The following WDR72 variants were observed in gnomAD, a reference collection of about 807,000 sequenced individuals.
WDR72 encodes WD repeat domain 72, also known as WD repeat-containing protein 72.
A neutral mutation model predicts 124.2 loss-of-function variants in WDR72; 120 were observed. The ratio of observed to expected loss-of-function variants is 0.97; its 90% confidence interval spans 0.83 to 1.12. The LOEUF (loss-of-function observed/expected upper bound fraction) is 1.12, where lower values mean the gene tolerates loss of function less well. Ranked by LOEUF, WDR72 falls within the 50% of genes most tolerant of loss-of-function variation. The pLI is 0.00. For missense variants in WDR72, 1,387 were observed against 1,278.8 expected (o/e 1.08, Z -1.29); for synonymous variants, 452 against 441.7 (o/e 1.02, Z -0.29).
At chr15:53,529,962 C>T (rs1229956903) in intron 18 of WDR72, among the ~76,000 whole-genome samples, 1 of 151,872 alleles carries the variant, frequency 6.6e-6, no homozygotes, top group African/African-American at 2.4e-5. Flanking sequence ...GCTACATTTC[C>T]TCGCTCCCAA....
intron 10 of WDR72, 135 bp from the exon 11 acceptor site, chr15:53,705,368 C>T (rs1163515249): frequency 3.8e-6 from 3 of 788,732 alleles, no homozygotes; most frequent in Non-Finnish European, 2.1e-6. Context: ...TGCCAGCATT[C>T]ATCTCTTGGG....
intron 18 of WDR72, among the ~76,000 whole-genome samples, chr15:53,589,100 A>C (rs1453416130): frequency 6.6e-6 from 1 of 151,968 alleles, no homozygotes; most frequent in Admixed American, 6.6e-5. Flanking sequence ...AGGTCTCTAA[A>C]AATATCAAAC....
intron 14 of WDR72, among the ~76,000 whole-genome samples, chr15:53,622,144 A>T (rs1475821834): frequency 6.6e-6 from 1 of 151,798 alleles, no homozygotes; most frequent in African/African-American, 2.4e-5. Flanking sequence ...GCAGGGCGTT[A>T]GAAAAATAGG....
At chr15:53,550,899 G>A (rs975178076) in intron 18 of WDR72, among the ~76,000 whole-genome samples, 1 of 152,086 alleles carries the variant, frequency 6.6e-6, no homozygotes, top group Admixed American at 6.6e-5. Flanking sequence ...CACACAATCT[G>A]TACATAAACA....
At chr15:53,618,509 C>T (rs756460545) in intron 14 of WDR72, among the ~76,000 whole-genome samples, 10 of 151,846 alleles carry the variant, frequency 6.6e-5, no homozygotes, top group Non-Finnish European at 1.5e-4. Context: ...CAACTTTTGA[C>T]TTTGGTTATC....
intron 11 of WDR72, 110 bp downstream of exon 11, chr15:53,704,878 T>A: frequency 8.1e-7 from 1 of 1,236,712 alleles, no homozygotes; most frequent in Non-Finnish European, 1.1e-6. Flanking sequence ...TACATATTTA[T>A]CAGCAAATGC....
intron 13 of WDR72, among the ~76,000 whole-genome samples, chr15:53,670,618 C>T (rs2140459966): frequency 6.6e-6 from 1 of 152,256 alleles, no homozygotes; most frequent in African/African-American, 2.4e-5. Flanking sequence ...CTTGTTTTAC[C>T]TTTGATAGCT....
At chr15:53,667,176 A>T (rs909721720) in intron 13 of WDR72, among the ~76,000 whole-genome samples, 8 of 152,042 alleles carry the variant, frequency 5.3e-5, no homozygotes, top group Non-Finnish European at 1.0e-4. Context: ...ACATGGTAAA[A>T]CGCCATCTCT....
rs558536400 is a variant in WDR72, at chr15:53,563,164, T to G, written c.3148+33915A>C. On this transcript the variant is annotated intron_variant, in intron 18 of 19. Transcript: ENST00000360509. ...CTAGAAAAATGGTCCTAATTATTTGTGTTGGATATTGGTAAGATGTGATTG... is the reference window on the plus strand; with the variant it reads ...CTAGAAAAATGGTCCTAATTATTTGGGTTGGATATTGGTAAGATGTGATTG... 5.9e-5 allele frequency among the ~76,000 whole-genome samples: 9 copies of G among 151,866 alleles called. No individual in the cohort carries two copies. In the East Asian group the frequency reaches 1.4e-3, roughly 23 times the overall value.
intron 14 of WDR72, among the ~76,000 whole-genome samples, chr15:53,644,680 T>C (rs1020578513): frequency 6.6e-6 from 1 of 152,086 alleles, no homozygotes; most frequent in Non-Finnish European, 1.5e-5. Context: ...CAACCATTCA[T>C]TTTCAGATTC....
chr15:53,750,813 A>G (rs2018756249), intron 1 of WDR72, among the ~76,000 whole-genome samples: 2 of 152,324 alleles, frequency 1.3e-5, no homozygotes, highest in East Asian at 3.9e-4. Context: ...TGGTGGAAAT[A>G]GCAAGAGAAC....
rs1328225644 is a variant in WDR72, at chr15:53,744,699, C to T, written c.-12-11538G>A. On this transcript the variant is annotated intron_variant, in intron 1 of 19. Coordinates refer to ENST00000360509, the MANE Select transcript of WDR72 (RefSeq NM_182758.4). ...CTAGTCCCTGGCACACTGCCTAACA[C>T]ATAGATGACATTCAGTAATATTTCT... Among the ~76,000 whole-genome samples, 3 of 152,274 alleles carry T rather than the reference C, an allele frequency of 2.0e-5. No individual in the cohort carries two copies. In the East Asian group the frequency reaches 5.8e-4, roughly 29 times the overall value.
In WDR72 at chr15:53,711,349, G is replaced by T. The variant is rs759928753; in HGVS notation, c.844C>A (p.Gln282Lys). 2 of 1,614,162 alleles carry T rather than the reference G, an allele frequency of 1.2e-6. No homozygotes were observed. The highest frequency in any genetic ancestry group is 1.7e-6 in the Non-Finnish European group (2 of 1,180,038). The change falls in exon 8 of 20, where the codon CAG becomes AAG. Residue 282 changes from glutamine to lysine, a missense_variant. Coordinates refer to ENST00000360509, the MANE Select transcript of WDR72 (RefSeq NM_182758.4). ...WTEDGHSYIY[Q>K]LLNSGLSKSI... ...ATCTGAGCCCACCTGTTCAGCAGCT[G>T]ATAGATGTAACTGTGACCATCTTCT...
intron 13 of WDR72, among the ~76,000 whole-genome samples, chr15:53,677,895 A>C (rs2016232208): frequency 6.6e-6 from 1 of 152,192 alleles, no homozygotes; most frequent in Non-Finnish European, 1.5e-5. Flanking sequence ...TTAATTCTTA[A>C]AACAATCCCG....
intron 14 of WDR72, among the ~76,000 whole-genome samples, chr15:53,625,122 A>G (rs2014151877): frequency 6.6e-6 from 1 of 152,252 alleles, no homozygotes; most frequent in African/African-American, 2.4e-5. Flanking sequence ...CTAAAACATC[A>G]TTCTAACGGA....
At chr15:53,555,310 C>T (rs1291012261) in intron 18 of WDR72, among the ~76,000 whole-genome samples, 1 of 151,482 alleles carries the variant, frequency 6.6e-6, no homozygotes, top group African/African-American at 2.4e-5. Context: ...AGAGGCAGGG[C>T]GGACCCACGA....
At chr15:53,701,746 G>C (rs754828547) in intron 12 of WDR72, among the ~76,000 whole-genome samples, 2 of 152,030 alleles carry the variant, frequency 1.3e-5, no homozygotes, top group African/African-American at 4.8e-5. Flanking sequence ...CTAATTTATA[G>C]ATTCCTATAT....
intron 13 of WDR72, among the ~76,000 whole-genome samples, chr15:53,692,468 G>A (rs1316714): frequency 0.52 from 78,652 of 151,942 alleles, 20,856 homozygotes; most frequent in East Asian, 0.76. Context: ...TTCAGCCCTC[G>A]CTGCCATTAA....
intron 2 of WDR72, among the ~76,000 whole-genome samples, chr15:53,727,963 T>C (rs991560390): frequency 2.0e-5 from 3 of 152,184 alleles, no homozygotes; most frequent in African/African-American, 4.8e-5. Flanking sequence ...TTATGAAGCA[T>C]TGGTTCCTCC....
Sources: gnomAD v4.1 joint callset for allele counts (sites outside exome capture counted in the v4.1 genomes callset) on GRCh38, gnomAD v4.1.1 for gene constraint, MANE v1.5 for transcripts, NCBI Gene and HGNC (gene_info 2026-07-23, HGNC 2026-07-21) for gene names.